The following SLC35D4 variants were observed in gnomAD, a reference collection of about 807,000 sequenced individuals.
The protein encoded by SLC35D4 is UDP-N-acetylglucosamine transporter SLC35D4.
chr18:23,245,080 C>T, the SLC35D4 span, among the ~76,000 whole-genome samples: 1 of 152,216 alleles, frequency 6.6e-6, no homozygotes, highest in African/African-American at 2.4e-5. Context: ...CCATCCCCTC[C>T]CGTTATACCC....
the SLC35D4 span, among the ~76,000 whole-genome samples, chr18:23,260,730 G>A: frequency 1.3e-4 from 20 of 152,100 alleles, no homozygotes; most frequent in Non-Finnish European, 2.8e-4. Flanking sequence ...ATGGGGGCGC[G>A]CCCTGACGTC....
At chr18:23,265,962 T>C in the SLC35D4 span, among the ~76,000 whole-genome samples, 5 of 152,208 alleles carry the variant, frequency 3.3e-5, no homozygotes, top group African/African-American at 1.2e-4. Flanking sequence ...CTCCATGAAA[T>C]CAATTTTCAT....
the SLC35D4 span, among the ~76,000 whole-genome samples, chr18:23,416,098 C>T: frequency 3.3e-5 from 5 of 152,144 alleles, no homozygotes; most frequent in East Asian, 5.8e-4. Context: ...GTAATCTCAG[C>T]TACTCAGGAA....
chr18:23,257,563 ACTC>A, the SLC35D4 span: 3 of 549,970 alleles, frequency 5.5e-6, no homozygotes, highest in South Asian at 5.7e-5. Flanking sequence ...TGAGCTATGG[ACTC>A]CTCAAGCACG....
chr18:23,435,483 C>T, the SLC35D4 span, among the ~76,000 whole-genome samples: 2 of 151,986 alleles, frequency 1.3e-5, no homozygotes, highest in Admixed American at 1.3e-4. Context: ...TGAATAGGTG[C>T]TACAAAAAAC....
the SLC35D4 span, among the ~76,000 whole-genome samples, chr18:23,281,098 G>C: frequency 6.6e-6 from 1 of 152,138 alleles, no homozygotes; most frequent in Admixed American, 6.5e-5. Context: ...GACAGAAAGT[G>C]GATTTGTGGC....
At chr18:23,291,876 C>T in the SLC35D4 span, among the ~76,000 whole-genome samples, 1 of 152,086 alleles carries the variant, frequency 6.6e-6, no homozygotes, top group Non-Finnish European at 1.5e-5. Context: ...ACCACTGCTT[C>T]TCTCCGGGCT....
chr18:23,353,079 G>A, the SLC35D4 span, among the ~76,000 whole-genome samples: 2 of 87,362 alleles, frequency 2.3e-5, no homozygotes, highest in African/African-American at 4.9e-5. Context: ...GACAGACAGT[G>A]TGTGTGTGTG....
At chr18:23,398,054 G>A in the SLC35D4 span, among the ~76,000 whole-genome samples, 1 of 152,108 alleles carries the variant, frequency 6.6e-6, no homozygotes, top group African/African-American at 2.4e-5. Context: ...AAGACCACAA[G>A]AGCAAAACTC....
chr18:23,329,225 G>C, the SLC35D4 span, among the ~76,000 whole-genome samples: 2 of 152,300 alleles, frequency 1.3e-5, no homozygotes, highest in African/African-American at 4.8e-5. Flanking sequence ...TTAAACTAAA[G>C]AGCTTCTGTA....
At chr18:23,417,101 G>A in the SLC35D4 span, among the ~76,000 whole-genome samples, 2 of 152,072 alleles carry the variant, frequency 1.3e-5, no homozygotes, top group African/African-American at 2.4e-5. Flanking sequence ...AATTAGCTGG[G>A]CATGGTAGTG....
chr18:23,431,567 T>G, the SLC35D4 span, among the ~76,000 whole-genome samples: 1 of 152,234 alleles, frequency 6.6e-6, no homozygotes, highest in South Asian at 2.1e-4. Context: ...ATTAAATGAT[T>G]TTTTTTCAAA....
the SLC35D4 span, among the ~76,000 whole-genome samples, chr18:23,433,762 G>A: frequency 1.4e-3 from 220 of 151,730 alleles, no homozygotes; most frequent in Middle Eastern, 3.4e-3. Context: ...TTCTTTCTAC[G>A]AATAAATAGG....
chr18:23,415,215 G>T, the SLC35D4 span, among the ~76,000 whole-genome samples: 2 of 152,168 alleles, frequency 1.3e-5, no homozygotes, highest in Non-Finnish European at 2.9e-5. Context: ...TAATTTGGAG[G>T]TTTTATCAAA....
At chr18:23,353,212 A>T in the SLC35D4 span, among the ~76,000 whole-genome samples, 1 of 151,820 alleles carries the variant, frequency 6.6e-6, no homozygotes, top group Admixed American at 6.6e-5. Flanking sequence ...GAAAATTGCA[A>T]AGTAAGAGAT....
At chr18:23,300,830 T>A in the SLC35D4 span, among the ~76,000 whole-genome samples, 7 of 152,356 alleles carry the variant, frequency 4.6e-5, no homozygotes, top group Admixed American at 4.6e-4. Context: ...TATCCATCAC[T>A]AGCTTCTCTT....
chr18:23,421,986 C>T, the SLC35D4 span, among the ~76,000 whole-genome samples: 2 of 151,948 alleles, frequency 1.3e-5, no homozygotes, highest in East Asian at 3.9e-4. Context: ...CTCTTCTCCT[C>T]TTATTCTAGA....
the SLC35D4 span, among the ~76,000 whole-genome samples, chr18:23,340,218 T>C: frequency 6.6e-6 from 1 of 152,052 alleles, no homozygotes; most frequent in Admixed American, 6.5e-5. Flanking sequence ...GTGCCTATAG[T>C]CTCAGCCACT....
chr18:23,328,964 C>A, the SLC35D4 span, among the ~76,000 whole-genome samples: 5 of 152,088 alleles, frequency 3.3e-5, no homozygotes, highest in African/African-American at 1.2e-4. Context: ...GAAAAGATTC[C>A]CTATTTAATA....
Sources: gnomAD v4.1 joint callset for allele counts (sites outside exome capture counted in the v4.1 genomes callset) on GRCh38, gnomAD v4.1.1 for gene constraint, MANE v1.5 for transcripts, NCBI Gene and HGNC (gene_info 2026-07-23, HGNC 2026-07-21) for gene names.